C2CD3: variants seen among roughly 807,000 people sequenced by gnomAD.
C2CD3 encodes C2 domain containing 3 centriole elongation regulator, also known as C2 domain-containing protein 3.
C2CD3 carries 148 observed loss-of-function variants against 234.0 expected under a neutral mutation model. The observed-to-expected ratio is 0.63, with a 90% confidence interval of 0.55 to 0.72. The LOEUF is 0.72. Ranked by LOEUF, C2CD3 falls within the 30% of genes least tolerant of loss-of-function variation. C2CD3 has a pLI of 0.00. For missense variants in C2CD3, 2,577 were observed against 2,811.5 expected, an observed-to-expected ratio of 0.92 and a Z score of 1.89; for synonymous variants, 1,000 against 1,035.4, an observed-to-expected ratio of 0.97 and a Z score of 0.66.
intron 28 of C2CD3, among the ~76,000 whole-genome samples, chr11:74,044,347 A>G (rs1352027578): frequency 1.3e-5 from 2 of 151,680 alleles, no homozygotes; most frequent in Non-Finnish European, 2.9e-5. Context: ...CCCAGCTACT[A>G]GGGAGGCTGA....
intron 30 of C2CD3, chr11:74,034,634 C>A (rs1952653660): frequency 6.3e-7 from 1 of 1,575,048 alleles, no homozygotes; most frequent in African/African-American, 1.3e-5. Context: ...AAATGAGAAT[C>A]CACTTATTTA....
chr11:74,033,189 A>C (rs1952591067), intron 31 of C2CD3, among the ~76,000 whole-genome samples, 162 bp downstream of exon 31: 1 of 152,204 alleles, frequency 6.6e-6, no homozygotes, highest in African/African-American at 2.4e-5. Flanking sequence ...GCTGGTGTTA[A>C]TGGTAAAACT....
chr11:74,101,206 A>G (rs1956303124), intron 14 of C2CD3, among the ~76,000 whole-genome samples: 1 of 152,212 alleles, frequency 6.6e-6, no homozygotes, highest in South Asian at 2.1e-4. Context: ...TTCAACATAA[A>G]ATTACTCCAG....
Position 74,049,328 on chromosome 11 carries a change from C to T in C2CD3, c.5361+9G>A. 1 of 1,609,290 alleles carries T rather than the reference C, an allele frequency of 6.2e-7. No individual in the cohort carries two copies. The highest frequency in any genetic ancestry group is 8.5e-7 in the Non-Finnish European group (1 of 1,175,606). On this transcript the variant is annotated intron_variant, in intron 27 of 32. Coordinates refer to ENST00000334126, the MANE Select transcript of C2CD3 (RefSeq NM_001286577.2). Reference sequence around the variant, plus strand: ...CGTATTGGTTAGGGATGTGAATCTCCATACATACCAGTGATTTTGAGGTCT... The same window carrying T: ...CGTATTGGTTAGGGATGTGAATCTCTATACATACCAGTGATTTTGAGGTCT...
intron 12 of C2CD3, among the ~76,000 whole-genome samples, chr11:74,107,041 G>C (rs1367622572): frequency 6.6e-6 from 1 of 152,166 alleles, no homozygotes; most frequent in East Asian, 1.9e-4. Flanking sequence ...TAATAAATAG[G>C]CTGGGCGCGG....
intron 9 of C2CD3, among the ~76,000 whole-genome samples, chr11:74,116,872 A>ATGTATATATACACACG (rs1173139836): frequency 1.5e-5 from 2 of 135,108 alleles, no homozygotes; most frequent in African/African-American, 2.7e-5. Flanking sequence ...ACACGTGTAT[A>ATGTATATATACACACG]TGTATATATA....
At chr11:74,130,603 C>T (rs1957635309) in intron 7 of C2CD3, among the ~76,000 whole-genome samples, 1 of 152,134 alleles carries the variant, frequency 6.6e-6, no homozygotes, top group Admixed American at 6.5e-5. Flanking sequence ...CTATTTGTTG[C>T]CCCATTGATT....
At chr11:74,039,978 T>C (rs897278214) in intron 29 of C2CD3, among the ~76,000 whole-genome samples, 4 of 152,218 alleles carry the variant, frequency 2.6e-5, no homozygotes, top group African/African-American at 7.2e-5. Context: ...CTGAACATAT[T>C]ACTTCTTCGT....
At chr11:74,053,973 T>C (rs1953827225) in intron 26 of C2CD3, among the ~76,000 whole-genome samples, 1 of 150,886 alleles carries the variant, frequency 6.6e-6, no homozygotes, top group Non-Finnish European at 1.5e-5. Context: ...ACCTTGTCTG[T>C]ACAAAAAAAT....
At chr11:74,108,888 GATAATAATAATA>G (rs574277591) in intron 12 of C2CD3, 134 bp downstream of exon 12, 5 of 352,858 alleles carry the variant, frequency 1.4e-5, no homozygotes, top group Non-Finnish European at 2.0e-5. Flanking sequence ...TAATAATAAT[GATAATAATAATA>G]ATAATAATAA....
intron 24 of C2CD3, among the ~76,000 whole-genome samples, chr11:74,071,213 T>C (rs938323650): frequency 1.3e-5 from 2 of 152,226 alleles, no homozygotes; most frequent in African/African-American, 4.8e-5. Context: ...ATATGAGACA[T>C]AACGCCTCTC....
chr11:74,063,388 T>C (rs1442592085), intron 24 of C2CD3, among the ~76,000 whole-genome samples: 1 of 151,712 alleles, frequency 6.6e-6, no homozygotes, highest in Non-Finnish European at 1.5e-5. Context: ...AATAAAATAC[T>C]GGCAAACCGA....
chr11:74,026,557 T>C (rs144901515), intron 32 of C2CD3, among the ~76,000 whole-genome samples: 161 of 152,298 alleles, frequency 1.1e-3, no homozygotes, highest in African/African-American at 3.4e-3. Context: ...TGGGAAAGCA[T>C]ATAAAATGTA....
intron 3 of C2CD3, among the ~76,000 whole-genome samples, chr11:74,152,444 T>TC (rs1855727782): frequency 1.3e-5 from 2 of 152,182 alleles, no homozygotes; most frequent in African/African-American, 2.4e-5. Flanking sequence ...ACCAGTTAAC[T>TC]CCACTGGTAA....
chr11:74,076,540 T>C (rs995661930), intron 23 of C2CD3, among the ~76,000 whole-genome samples: 7 of 152,246 alleles, frequency 4.6e-5, no homozygotes, highest in South Asian at 2.1e-4. Context: ...TCAGGAACCA[T>C]TGTGCTAGTT....
intron 31 of C2CD3, among the ~76,000 whole-genome samples, chr11:74,031,032 C>T (rs1178736358): frequency 6.6e-6 from 1 of 152,194 alleles, no homozygotes; most frequent in African/African-American, 2.4e-5. Flanking sequence ...TCCTAACTAG[C>T]CTCCTTGTTT....
chr11:74,099,896 A>G (rs1956250005), intron 15 of C2CD3, among the ~76,000 whole-genome samples: 1 of 85,836 alleles, frequency 1.2e-5, no homozygotes, highest in Admixed American at 9.3e-5. Context: ...ACTCCGTCTC[A>G]AAAAAAAAAA....
chr11:74,116,980 A>ATGTG (rs1956985148), intron 9 of C2CD3, among the ~76,000 whole-genome samples: 5 of 123,182 alleles, frequency 4.1e-5, no homozygotes, highest in Admixed American at 3.2e-4. Flanking sequence ...ATACACGTAT[A>ATGTG]TATACACATA....
intron 32 of C2CD3, among the ~76,000 whole-genome samples, chr11:74,020,603 C>T (rs1280746315): frequency 6.6e-6 from 1 of 152,226 alleles, no homozygotes; most frequent in Non-Finnish European, 1.5e-5. Flanking sequence ...GCTCTTTCAG[C>T]ATGACAGGCA....
Sources: allele counts gnomAD v4.1 joint callset (sites outside exome capture counted in the v4.1 genomes callset), GRCh38; gene constraint gnomAD v4.1.1; transcripts MANE v1.5; gene names NCBI Gene and HGNC (gene_info 2026-07-23, HGNC 2026-07-21).